The following SF3B3 variants were observed in gnomAD, a reference collection of about 807,000 sequenced individuals.
The protein encoded by SF3B3 is SAP 130.
SF3B3 carries 33 observed loss-of-function variants against 139.2 expected under a neutral mutation model. The observed-to-expected ratio is 0.24, with a 90% confidence interval of 0.18 to 0.32. The LOEUF is 0.32. Among genes scored for constraint, SF3B3 ranks in the 10% least tolerant of loss-of-function variants. SF3B3 has a pLI of 1.00. For synonymous variants in SF3B3, 596 were observed against 563.6 expected (o/e 1.06, Z -0.81); for missense variants, 818 against 1,509.4 (o/e 0.54, Z 7.59).
chr16:70,547,250 G>A (rs567900083), intron 10 of SF3B3, among the ~76,000 whole-genome samples: 1 of 152,308 alleles, frequency 6.6e-6, no homozygotes, highest in African/African-American at 2.4e-5. Context: ...AAAAGGGCTA[G>A]TCTTTCTGTG....
Position 70,564,031 on chromosome 16 carries a change from G to C in SF3B3, c.2444G>C (p.Arg815Thr). 2 of 1,614,120 alleles carry C rather than the reference G, an allele frequency of 1.2e-6. No homozygotes were observed. The highest frequency in any genetic ancestry group is 1.7e-6 in the Non-Finnish European group (2 of 1,180,024). The change falls in exon 18 of 26, where the codon AGA (arginine) becomes ACA (threonine). Residue 815 changes from arginine to threonine, a missense_variant. By Grantham distance (71) the Arg-to-Thr change is moderately conservative (BLOSUM62 -1). Coordinates refer to ENST00000302516, the MANE Select transcript of SF3B3 (RefSeq NM_012426.5). ...NAYTEATKAQ[R>T]KQQMAEEMVE... The stretch of plus-strand genomic sequence containing the variant: ...TACACTGAGGCCACGAAAGCTCAGA[G>C]AAAGCAGCAGATGGCAGAGGTAATG...
intron 1 of SF3B3, 103 bp downstream of exon 1, chr16:70,524,031 C>T (rs780003830): frequency 2.3e-4 from 92 of 404,082 alleles, no homozygotes; most frequent in Non-Finnish European, 3.1e-4. Flanking sequence ...CAGTCTAGGC[C>T]CGAGAGGCTG....
At chr16:70,530,638 G>A in intron 3 of SF3B3, 107 bp from the exon 4 acceptor site, 1 of 927,572 alleles carries the variant, frequency 1.1e-6, no homozygotes, top group Non-Finnish European at 1.7e-6. Flanking sequence ...TAGAGTTACT[G>A]CTGTTAATAA....
At chr16:70,546,897 G>A (rs1168399022) in intron 10 of SF3B3, among the ~76,000 whole-genome samples, 7 of 152,150 alleles carry the variant, frequency 4.6e-5, no homozygotes, top group East Asian at 1.9e-4. Context: ...GCGTGGTGGC[G>A]GGCGCCTGTA....
chr16:70,542,292 C>T (rs2050226428), intron 9 of SF3B3, among the ~76,000 whole-genome samples: 1 of 152,208 alleles, frequency 6.6e-6, no homozygotes. Flanking sequence ...GACCTCTTGT[C>T]ATGTAACAGT....
intron 6 of SF3B3, 77 bp downstream of exon 6, chr16:70,535,497 C>A: frequency 1.3e-6 from 1 of 741,250 alleles, no homozygotes; most frequent in South Asian, 2.7e-5. Flanking sequence ...AGTTTGTTAC[C>A]AATTTAGTTT....
chr16:70,556,109 T>C, intron 13 of SF3B3, 70 bp from the exon 14 acceptor site: 1 of 1,504,036 alleles, frequency 6.6e-7, no homozygotes, highest in Non-Finnish European at 9.2e-7. Flanking sequence ...ATCCAGGGTT[T>C]TGGGGTGAAT....
At chr16:70,536,807 CTTTT>C (rs34747226) in intron 6 of SF3B3, among the ~76,000 whole-genome samples, 3 of 122,666 alleles carry the variant, frequency 2.4e-5, no homozygotes, top group Admixed American at 1.8e-4. Flanking sequence ...AATTTTCTTT[CTTTT>C]TTTTTTTTTT....
intron 17 of SF3B3, among the ~76,000 whole-genome samples, chr16:70,562,750 T>C (rs772379219): frequency 1.3e-5 from 2 of 152,192 alleles, no homozygotes; most frequent in African/African-American, 2.4e-5. Flanking sequence ...CCCCCAAAAC[T>C]AAATCAGGGA....
intron 11 of SF3B3, among the ~76,000 whole-genome samples, chr16:70,551,226 C>T (rs2050321654): frequency 2.0e-5 from 3 of 152,132 alleles, no homozygotes; most frequent in Admixed American, 1.3e-4. Context: ...AGTGTTCAGA[C>T]AGATGGGAGC....
intron 22 of SF3B3, 97 bp from the exon 23 acceptor site, chr16:70,568,946 G>T (rs2050502719): frequency 3.8e-6 from 3 of 790,742 alleles, no homozygotes; most frequent in Non-Finnish European, 4.1e-6. Flanking sequence ...CAGTGCCCCT[G>T]TGGCTGACTT....
chr16:70,526,560 C>A, intron 1 of SF3B3, 27 bp from the exon 2 acceptor site: 2 of 782,854 alleles, frequency 2.6e-6, no homozygotes, highest in South Asian at 1.6e-5. Flanking sequence ...AGTCTCCCAG[C>A]TATTTTTCTG....
intron 14 of SF3B3, 29 bp downstream of exon 14, chr16:70,556,363 A>G (rs2050379779): frequency 1.2e-6 from 2 of 1,613,458 alleles, no homozygotes; most frequent in African/African-American, 1.3e-5. Context: ...TTCAAGGATC[A>G]TCTGGTTGGA....
At position 70,526,610 on chromosome 16, in the gene SF3B3, G is replaced by A. The variant is rs1426928512; in HGVS notation, c.-47G>A. 3 of 1,399,516 alleles carry A rather than the reference G, an allele frequency of 2.1e-6. No individual in the cohort carries two copies. Among genetic ancestry groups the A allele is most frequent in the Admixed American group, 1.8e-5 (1 of 56,152 alleles). The allele number at this position is 1,399,516 out of a possible 1,614,324, so 86.7% of individuals were successfully genotyped here. A position where few individuals can be genotyped will look rare whatever the true frequency, so the allele number is the denominator to read the frequency against. Reference sequence around the variant, plus strand: ...AGCTTTCTTGGACTCCGTACTGTTGGTGTAACCAAGGCCTGGAGGTCTGGG... The same window carrying A: ...AGCTTTCTTGGACTCCGTACTGTTGATGTAACCAAGGCCTGGAGGTCTGGG... On this transcript the variant is annotated 5_prime_UTR_variant, in exon 2 of 26. It adds an upstream start codon to the 5' untranslated region. Transcript: ENST00000302516.
At chr16:70,548,341 G>T (rs1477349176) in intron 10 of SF3B3, 29 bp from the exon 11 acceptor site, 1 of 1,599,150 alleles carries the variant, frequency 6.3e-7, no homozygotes, top group East Asian at 2.2e-5. Context: ...ATGCTCACTG[G>T]ATCTGTGGCT....
chr16:70,560,672 C>A, intron 16 of SF3B3, 81 bp downstream of exon 16: 1 of 1,503,520 alleles, frequency 6.7e-7, no homozygotes, highest in African/African-American at 1.4e-5. Flanking sequence ...CTGTAAGCTT[C>A]ACTGTCACTA....
chr16:70,524,278 G>C (rs1288096919), intron 1 of SF3B3, among the ~76,000 whole-genome samples: 1 of 152,116 alleles, frequency 6.6e-6, no homozygotes, highest in East Asian at 1.9e-4. Flanking sequence ...AAGATGGAGC[G>C]TGTTAAAAGC....
Position 70,531,117 on chromosome 16 carries a change from A to G in SF3B3, c.570+200A>G, listed in dbSNP as rs1337831415. The stretch of plus-strand genomic sequence containing the variant: ...CCATCTCTACTAAAAATACAAAAAG[A>G]AAATAGCCGGGCATCGTGGCGGGCG... On this transcript the variant is annotated intron_variant, in intron 4 of 25. Transcript: ENST00000302516. 5.9e-4 allele frequency among the ~76,000 whole-genome samples: 90 copies of G among 151,948 alleles called. 1 individual carries two copies. The highest frequency in any genetic ancestry group is 5.9e-3 in the Admixed American group (90 of 15,258).
intron 10 of SF3B3, among the ~76,000 whole-genome samples, chr16:70,546,317 C>G (rs1203485740): frequency 6.6e-6 from 1 of 152,196 alleles, no homozygotes; most frequent in African/African-American, 2.4e-5. Context: ...CTCATTGGAT[C>G]CTAGTGAGCA....
Sources: gnomAD v4.1 joint callset for allele counts (sites outside exome capture counted in the v4.1 genomes callset) on GRCh38, gnomAD v4.1.1 for gene constraint, MANE v1.5 for transcripts, NCBI Gene and HGNC (gene_info 2026-07-23, HGNC 2026-07-21) for gene names.